Variants in ANAPC10 observed in about 807,000 individuals in gnomAD.
The protein encoded by ANAPC10 is anaphase promoting complex subunit 10, also known as anaphase-promoting complex subunit 10.
In ANAPC10, 12 loss-of-function variants were observed where a neutral mutation model predicts 22.0. The observed-to-expected ratio is 0.55, with a 90% confidence interval of 0.35 to 0.88. ANAPC10 has a LOEUF of 0.88. Among genes scored for constraint, ANAPC10 ranks in the 40% least tolerant of loss-of-function variants. The pLI is 0.01. For missense variants in ANAPC10, 188 were observed against 220.9 expected (o/e 0.85, Z 0.94); for synonymous variants, 65 against 69.5 (o/e 0.94, Z 0.32).
intron 4 of ANAPC10, among the ~76,000 whole-genome samples, chr4:145,060,685 CA>C: frequency 6.6e-6 from 1 of 152,122 alleles, no homozygotes; most frequent in East Asian, 1.9e-4. Context: ...ATTTTCCACT[CA>C]GTTAAATCAG....
chr4:145,007,135 TA>T (rs889885078), intron 4 of ANAPC10, among the ~76,000 whole-genome samples: 3 of 152,200 alleles, frequency 2.0e-5, no homozygotes, highest in African/African-American at 7.2e-5. Context: ...CCCAGATTCA[TA>T]AAGCAAGTCC....
chr4:145,091,767 C>G (rs1747715812), intron 2 of ANAPC10, among the ~76,000 whole-genome samples: 1 of 152,170 alleles, frequency 6.6e-6, no homozygotes, highest in African/African-American at 2.4e-5. Context: ...TTTGAGGACT[C>G]GCCACACTGT....
intron 4 of ANAPC10, among the ~76,000 whole-genome samples, chr4:145,000,749 G>T (rs1272060611): frequency 6.6e-6 from 1 of 151,986 alleles, no homozygotes; most frequent in East Asian, 1.9e-4. Flanking sequence ...ACATGCACAC[G>T]TTTATTGTGG....
chr4:145,055,414 C>T (rs577199804), intron 4 of ANAPC10, among the ~76,000 whole-genome samples: 13 of 151,988 alleles, frequency 8.6e-5, no homozygotes, highest in African/African-American at 1.9e-4. Flanking sequence ...AAAAGTTAGC[C>T]GGGCATGGTG....
At chr4:145,097,695 T>G (rs1181784800) in intron 1 of ANAPC10, 1 of 419,984 alleles carries the variant, frequency 2.4e-6, no homozygotes, top group African/African-American at 2.0e-5. Flanking sequence ...TGCCTGCAAG[T>G]TAGGTGAGAT....
intron 3 of ANAPC10, among the ~76,000 whole-genome samples, chr4:145,077,001 C>T (rs1170505143): frequency 6.6e-6 from 1 of 152,148 alleles, no homozygotes; most frequent in Non-Finnish European, 1.5e-5. Context: ...AGATCGAGAC[C>T]ATTCTGGCTG....
At chr4:144,997,081 T>C (rs995978301) in intron 4 of ANAPC10, among the ~76,000 whole-genome samples, 1 of 152,080 alleles carries the variant, frequency 6.6e-6, no homozygotes, top group Non-Finnish European at 1.5e-5. Flanking sequence ...AGAAATATGG[T>C]ACTATGTGAA....
At chr4:144,996,824 A>G (rs188226980) in intron 4 of ANAPC10, among the ~76,000 whole-genome samples, 12 of 152,280 alleles carry the variant, frequency 7.9e-5, no homozygotes, top group Admixed American at 3.9e-4. Flanking sequence ...CATCGCAAAG[A>G]AGCTAAAAAC....
intron 4 of ANAPC10, among the ~76,000 whole-genome samples, chr4:145,014,171 C>T (rs1317993127): frequency 1.3e-5 from 2 of 152,046 alleles, no homozygotes; most frequent in East Asian, 1.9e-4. Flanking sequence ...TTTCATAGCT[C>T]GGAGGTGGGT....
intron 4 of ANAPC10, among the ~76,000 whole-genome samples, chr4:145,062,784 TG>T (rs1743096102): frequency 1.3e-5 from 2 of 152,272 alleles, no homozygotes; most frequent in South Asian, 4.1e-4. Flanking sequence ...CATCAATGAA[TG>T]GGTAAATAAA....
chr4:145,021,910 G>A (rs1288066550), intron 4 of ANAPC10, among the ~76,000 whole-genome samples: 20 of 152,002 alleles, frequency 1.3e-4, no homozygotes, highest in Admixed American at 4.6e-4. Flanking sequence ...ACAAACATAC[G>A]AAAAAATGCT....
intron 4 of ANAPC10, among the ~76,000 whole-genome samples, chr4:145,048,439 C>T (rs536965060): frequency 6.6e-6 from 1 of 152,304 alleles, no homozygotes; most frequent in East Asian, 1.9e-4. Context: ...TGACAGTCAA[C>T]ACGAAGTGGG....
chr4:145,034,575 GTA>G (rs3028860), intron 4 of ANAPC10, among the ~76,000 whole-genome samples: 30 of 125,628 alleles, frequency 2.4e-4, no homozygotes, highest in Admixed American at 6.6e-4. Flanking sequence ...GTGTGTGTGT[GTA>G]TATATCCCAC....
At chr4:145,002,018 G>GA (rs1732648701) in intron 4 of ANAPC10, among the ~76,000 whole-genome samples, 1 of 152,138 alleles carries the variant, frequency 6.6e-6, no homozygotes, top group South Asian at 2.1e-4. Flanking sequence ...AAGAAGGAAG[G>GA]AAAAACTACT....
At chr4:145,081,577 T>C (rs1158818567) in intron 3 of ANAPC10, 83 bp downstream of exon 3, 16 of 885,240 alleles carry the variant, frequency 1.8e-5, no homozygotes, top group Non-Finnish European at 2.6e-5. Flanking sequence ...TTGTAATTTC[T>C]ATCTTTAATT....
intron 2 of ANAPC10, among the ~76,000 whole-genome samples, chr4:145,084,644 C>A (rs1579151122): frequency 6.6e-6 from 1 of 152,092 alleles, no homozygotes; most frequent in Admixed American, 6.5e-5. Flanking sequence ...TCAAAGCTGT[C>A]CTGGGCCATA....
intron 3 of ANAPC10, among the ~76,000 whole-genome samples, chr4:145,080,904 T>C (rs1354088857): frequency 9.2e-6 from 1 of 109,192 alleles, no homozygotes; most frequent in African/African-American, 3.6e-5. Flanking sequence ...CAAAACTCCA[T>C]CTCAAAAAAA....
intron 2 of ANAPC10, among the ~76,000 whole-genome samples, chr4:145,094,135 A>G (rs1000299001): frequency 2.0e-5 from 3 of 152,248 alleles, no homozygotes; most frequent in Admixed American, 2.0e-4. Context: ...ACAAACTGGT[A>G]CACCCATATT....
At chr4:145,058,360 T>C (rs962678545) in intron 4 of ANAPC10, among the ~76,000 whole-genome samples, 1 of 152,160 alleles carries the variant, frequency 6.6e-6, no homozygotes, top group African/African-American at 2.4e-5. Flanking sequence ...AAACAGTCAG[T>C]TGAACCATCA....
Sources: gnomAD v4.1 joint callset for allele counts (sites outside exome capture counted in the v4.1 genomes callset) on GRCh38, gnomAD v4.1.1 for gene constraint, MANE v1.5 for transcripts, NCBI Gene and HGNC (gene_info 2026-07-23, HGNC 2026-07-21) for gene names.